Variants in IQSEC1 observed in about 807,000 individuals in gnomAD.
IQSEC1 encodes the protein IQ motif and SEC7 domain-containing protein 1.
In IQSEC1, 31 loss-of-function variants were observed where a neutral mutation model predicts 91.0. The ratio of observed to expected loss-of-function variants is 0.34; its 90% confidence interval spans 0.26 to 0.46. IQSEC1 has a LOEUF of 0.46. Ranked by LOEUF, IQSEC1 falls within the 20% of genes least tolerant of loss-of-function variation. The probability of loss-of-function intolerance (pLI) is 1.00; values close to 1 mark genes in which losing one functional copy is unlikely to be tolerated. For missense variants in IQSEC1, 1,388 were observed against 1,575.6 expected, an observed-to-expected ratio of 0.88 and a Z score of 2.02; for synonymous variants, 699 against 662.6, an observed-to-expected ratio of 1.05 and a Z score of -0.84.
chr3:12,978,717 A>T (rs1215411923), intron 1 of IQSEC1, among the ~76,000 whole-genome samples: 3 of 126,614 alleles, frequency 2.4e-5, no homozygotes, highest in Admixed American at 7.1e-5. Context: ...AAAAAAAAAT[A>T]AATAAATAAA....
At chr3:12,931,410 G>T (rs1697660243) in intron 3 of IQSEC1, among the ~76,000 whole-genome samples, 2 of 152,238 alleles carry the variant, frequency 1.3e-5, no homozygotes, top group Non-Finnish European at 2.9e-5. Context: ...TTGAGCTTGG[G>T]CCTGGGCTCT....
In IQSEC1 at chr3:13,053,102, G is replaced by A. The variant is rs117521936; in HGVS notation, c.23+19890C>T. On this transcript the variant is annotated intron_variant, in intron 1 of 13. Transcript: ENST00000613206. ...TCTTGGCCAGGAATCGCTTACTCCTGAAAGTCTTGTGAGAAGACATGGCGA... is the reference window on the plus strand; with the variant it reads ...TCTTGGCCAGGAATCGCTTACTCCTAAAAGTCTTGTGAGAAGACATGGCGA... The A allele has an allele frequency of 1.9e-5, 18 of 931,252 alleles. No homozygotes were observed. The East Asian group carries it at 4.3e-4, about 22-fold the overall frequency. The allele number at this position is 931,252 out of a possible 1,614,324, so 57.7% of individuals were successfully genotyped here.
intron 8 of IQSEC1, among the ~76,000 whole-genome samples, chr3:12,914,839 T>C (rs1184979950): frequency 6.6e-6 from 1 of 151,296 alleles, no homozygotes; most frequent in Non-Finnish European, 1.5e-5. Flanking sequence ...CACACCGGGG[T>C]CTGTTTCAGG....
intron 2 of IQSEC1, among the ~76,000 whole-genome samples, chr3:13,079,392 A>C (rs59671840): frequency 6.6e-6 from 1 of 152,158 alleles, no homozygotes; most frequent in East Asian, 1.9e-4. Flanking sequence ...AGGGAGCAGC[A>C]TGCCTTGGGC....
chr3:13,034,417 C>T (rs60695936), intron 1 of IQSEC1, among the ~76,000 whole-genome samples: 2 of 152,356 alleles, frequency 1.3e-5, no homozygotes, highest in African/African-American at 2.4e-5. Context: ...CCAGCGAGAA[C>T]GTTTCCCCGA....
At position 12,935,723 on chromosome 3, in the gene IQSEC1, C is replaced by T. The variant is rs778170109; in HGVS notation, c.1293G>A (p.Leu431=). Residue 431 remains leucine, a synonymous_variant, in exon 3 of 14, where the codon CTG becomes CTA. Coordinates refer to ENST00000613206, the MANE Select transcript of IQSEC1 (RefSeq NM_001134382.3). The surrounding 1 kb of genome is among the most constrained non-coding windows in gnomAD (Gnocchi z 8.0). ...AGCCATTGATGGCCAAGTGGCTGTC[C>T]AGGGGCCTGGGGGGCCGGGGCCGCA... The part of the protein sequence containing the change: ...PELRPRPPRP[L]DSHLAINGSA... 4.3e-6 allele frequency: 7 copies of T among 1,612,516 alleles called. No homozygotes were observed. The highest frequency in any genetic ancestry group is 1.3e-5 in the African/African-American group (1 of 74,878).
intron 2 of IQSEC1, among the ~76,000 whole-genome samples, chr3:13,147,821 T>C (rs1282019464): frequency 2.0e-5 from 3 of 152,144 alleles, no homozygotes. Context: ...TTAGTAGAGA[T>C]GAGGTTTCAC....
intron 2 of IQSEC1, among the ~76,000 whole-genome samples, chr3:13,119,441 T>C (rs1706388382): frequency 6.6e-6 from 1 of 152,246 alleles, no homozygotes; most frequent in South Asian, 2.1e-4. Context: ...AAATGAATGC[T>C]GGATGGTACT....
At chr3:13,043,970 C>T (rs1704390254) in intron 1 of IQSEC1, among the ~76,000 whole-genome samples, 1 of 152,194 alleles carries the variant, frequency 6.6e-6, no homozygotes, top group African/African-American at 2.4e-5. Context: ...AGTCCAGGAG[C>T]TGCTGCTCAG....
Position 12,908,587 on chromosome 3 carries a change from G to A in IQSEC1, c.2579-62C>T, listed in dbSNP as rs1358783329. On this transcript the variant is annotated intron_variant, in intron 11 of 13. Transcript: ENST00000613206. The surrounding 1 kb of genome is among the most constrained non-coding windows in gnomAD (Gnocchi z 4.9). Reference sequence around the variant, plus strand: ...CACAGCCTAGAGTGGGCAGGAGACGGGGCCTTCTGCTTGGAGCTAGCACTG... The same window carrying A: ...CACAGCCTAGAGTGGGCAGGAGACGAGGCCTTCTGCTTGGAGCTAGCACTG... 2.6e-6 allele frequency: 4 copies of A among 1,556,528 alleles called. No individual in the cohort carries two copies. The Admixed American group carries it at 6.7e-5, about 26-fold the overall frequency.
intron 1 of IQSEC1, among the ~76,000 whole-genome samples, chr3:13,243,684 C>T (rs1356968657): frequency 2.6e-5 from 4 of 152,192 alleles, no homozygotes; most frequent in East Asian, 1.9e-4. Flanking sequence ...GGAGCCAATG[C>T]GCTTCCTCTT....
intron 1 of IQSEC1, among the ~76,000 whole-genome samples, chr3:12,956,891 C>T (rs1030943054): frequency 2.6e-5 from 4 of 152,234 alleles, no homozygotes; most frequent in Admixed American, 1.3e-4. Flanking sequence ...ACTCCTGCTC[C>T]GCTTGCCCAA....
chr3:12,906,487 C>T (rs1575852584), intron 12 of IQSEC1, among the ~76,000 whole-genome samples: 1 of 152,358 alleles, frequency 6.6e-6, no homozygotes, highest in African/African-American at 2.4e-5. Context: ...GGACTCAAAC[C>T]CCACCTCGCT....
chr3:13,129,044 TTGTG>T (rs1706564439), intron 2 of IQSEC1, among the ~76,000 whole-genome samples: 2 of 152,150 alleles, frequency 1.3e-5, no homozygotes, highest in Admixed American at 1.3e-4. Flanking sequence ...CTGGAAGAGT[TTGTG>T]TAGAATTGGT....
intron 1 of IQSEC1, among the ~76,000 whole-genome samples, chr3:13,038,262 G>GTATA (rs58338571): frequency 0.023 from 2,274 of 100,930 alleles, 53 homozygotes; most frequent in African/African-American, 0.053. Flanking sequence ...GTGTGTGTGT[G>GTATA]TATATATATA....
chr3:13,063,608 A>G (rs1295500536), intron 1 of IQSEC1, among the ~76,000 whole-genome samples: 1 of 152,172 alleles, frequency 6.6e-6, no homozygotes, highest in Non-Finnish European at 1.5e-5. Flanking sequence ...GCATTGGGGG[A>G]CAATGGATAA....
intron 1 of IQSEC1, among the ~76,000 whole-genome samples, chr3:12,944,526 C>A (rs780970761): frequency 6.6e-6 from 1 of 152,060 alleles, no homozygotes; most frequent in Non-Finnish European, 1.5e-5. Context: ...CCAGAGCCCA[C>A]GCCTCTGCTC....
intron 1 of IQSEC1, among the ~76,000 whole-genome samples, chr3:12,976,347 C>A (rs1363807011): frequency 6.6e-6 from 1 of 152,220 alleles, no homozygotes; most frequent in Non-Finnish European, 1.5e-5. Context: ...GGGAAGCGGT[C>A]CTTGCCTTTT....
At chr3:13,212,352 C>A (rs1458200634) in intron 1 of IQSEC1, among the ~76,000 whole-genome samples, 1 of 152,232 alleles carries the variant, frequency 6.6e-6, no homozygotes, top group East Asian at 1.9e-4. Flanking sequence ...TAGCATGTAT[C>A]AGGACTTCAT....
Sources: gnomAD v4.1 joint callset for allele counts (sites outside exome capture counted in the v4.1 genomes callset) on GRCh38, gnomAD v4.1.1 for gene constraint, Gnocchi (gnomAD v3.1) non-coding constraint, MANE v1.5 for transcripts, NCBI Gene and HGNC (gene_info 2026-07-23, HGNC 2026-07-21) for gene names.